AFAP1L2: variants seen among roughly 807,000 people sequenced by gnomAD.
AFAP1L2 encodes actin filament-associated protein 1-like 2.
A neutral mutation model predicts 99.3 loss-of-function variants in AFAP1L2; 46 were observed. The ratio of observed to expected loss-of-function variants is 0.46; its 90% CI spans 0.37 to 0.59. The LOEUF (loss-of-function observed/expected upper bound fraction) is 0.59, where lower values mean the gene tolerates loss of function less well. Ranked by LOEUF, AFAP1L2 falls within the 20% of genes least tolerant of loss-of-function variation. AFAP1L2 has a pLI of 0.00. For missense variants in AFAP1L2, 959 were observed against 1,034.9 expected, an observed-to-expected ratio of 0.93 and a Z score of 1.01; for synonymous variants, 397 against 419.1, an observed-to-expected ratio of 0.95 and a Z score of 0.64.
At chr10:114,331,374 C>G (rs1188990633) in intron 4 of AFAP1L2, among the ~76,000 whole-genome samples, 1 of 152,150 alleles carries the variant, frequency 6.6e-6, no homozygotes, top group Non-Finnish European at 1.5e-5. Context: ...CAGTACACTA[C>G]AGCATCAAAT....
At chr10:114,366,903 G>A (rs1437263653) in intron 1 of AFAP1L2, among the ~76,000 whole-genome samples, 3 of 152,232 alleles carry the variant, frequency 2.0e-5, no homozygotes, top group East Asian at 1.9e-4. Flanking sequence ...AGGAGGTGGC[G>A]GTGCAGTGAG....
chr10:114,391,192 T>C (rs1297983152), intron 1 of AFAP1L2, among the ~76,000 whole-genome samples: 1 of 151,978 alleles, frequency 6.6e-6, no homozygotes, highest in Non-Finnish European at 1.5e-5. Flanking sequence ...CAGCAAACAT[T>C]TCTCATTCAG....
At chr10:114,366,733 C>A (rs2053318822) in intron 1 of AFAP1L2, among the ~76,000 whole-genome samples, 1 of 152,106 alleles carries the variant, frequency 6.6e-6, no homozygotes, top group Non-Finnish European at 1.5e-5. Context: ...TTTGGGAGGC[C>A]AAGGCGGTCA....
At chr10:114,354,720 T>C (rs74157591) in intron 1 of AFAP1L2, among the ~76,000 whole-genome samples, 14,673 of 152,172 alleles carry the variant, frequency 0.096, 1,823 homozygotes, top group African/African-American at 0.29. Context: ...CCCCTCTTTT[T>C]CCAGTCTAAC....
At chr10:114,355,443 C>G (rs1218150583) in intron 1 of AFAP1L2, among the ~76,000 whole-genome samples, 2 of 151,954 alleles carry the variant, frequency 1.3e-5, no homozygotes, top group Non-Finnish European at 2.9e-5. Flanking sequence ...CTGTGCGACT[C>G]TCCATGGTCC....
chr10:114,404,314 C>G, intron 1 of AFAP1L2, 126 bp downstream of exon 1: 1 of 1,138,260 alleles, frequency 8.8e-7, no homozygotes. Context: ...GGCCCAGGTC[C>G]GGGCTGGGTG....
intron 1 of AFAP1L2, chr10:114,363,168 G>A (rs536357890): frequency 1.0e-6 from 1 of 985,418 alleles, no homozygotes; most frequent in South Asian, 4.7e-5. Context: ...TGGGGAAACG[G>A]GTTCCTGGGA....
intron 1 of AFAP1L2, 75 bp from the exon 2 acceptor site, chr10:114,340,806 C>T: frequency 1.3e-6 from 2 of 1,596,996 alleles, no homozygotes; most frequent in Non-Finnish European, 1.7e-6. Flanking sequence ...ACCTCGGGAC[C>T]CTGCAGCCTC....
At position 114,351,363 on chromosome 10, in the gene AFAP1L2, AAAAGACATATT is replaced by A. The variant is rs1285162244; in HGVS notation, c.17-10643_17-10633del. On this transcript the variant is annotated intron_variant, in intron 1 of 18. Transcript: ENST00000304129. ...TTTACTTGATATTTGTATCAGAGAA[AAAAGACATATT>A]AAAGATGGATGGAAGGGGGAAAATC... Among the ~76,000 whole-genome samples, 5 of 152,346 alleles carry A rather than the reference AAAAGACATATT, an allele frequency of 3.3e-5. No individual in the cohort carries two copies. In the East Asian group the frequency reaches 9.6e-4, roughly 29 times the overall value.
At chr10:114,325,217 GA>G (rs927707244) in intron 4 of AFAP1L2, among the ~76,000 whole-genome samples, 2 of 152,190 alleles carry the variant, frequency 1.3e-5, no homozygotes, top group Non-Finnish European at 2.9e-5. Flanking sequence ...AAAATTCAAT[GA>G]GACAAAACGT....
intron 18 of AFAP1L2, chr10:114,296,723 G>A (rs1446612356): frequency 2.1e-6 from 1 of 469,096 alleles, no homozygotes; most frequent in Non-Finnish European, 3.9e-6. Flanking sequence ...CCATAGCTGT[G>A]TGGAGGGCAA....
At chr10:114,391,337 C>T (rs569754625) in intron 1 of AFAP1L2, among the ~76,000 whole-genome samples, 76 of 152,106 alleles carry the variant, frequency 5.0e-4, no homozygotes, top group South Asian at 2.3e-3. Flanking sequence ...CTCCTGCCTC[C>T]GCCTCCCAAG....
At chr10:114,404,640 C>T (rs2058560159), upstream of AFAP1L2, 1 of 794,366 alleles carries the variant, frequency 1.3e-6, no homozygotes, top group Non-Finnish European at 1.7e-6. Context: ...CCCCAGCGCC[C>T]CTGTCCCAGC....
At chr10:114,378,650 CTG>C (rs1289720782) in intron 1 of AFAP1L2, among the ~76,000 whole-genome samples, 1 of 152,168 alleles carries the variant, frequency 6.6e-6, no homozygotes, top group African/African-American at 2.4e-5. Context: ...AAGATAGTGA[CTG>C]AAATTAAATT....
rs115885383 is a variant in AFAP1L2, at chr10:114,319,202, T to C, written c.407-3437A>G. Among the ~76,000 whole-genome samples the C allele has an allele frequency of 2.4e-3, 372 of 152,186 alleles. 1 individual carries two copies. Among genetic ancestry groups the C allele is most frequent in the African/African-American group, 8.6e-3 (359 of 41,532 alleles). ...GTATGATATTCTTAAAACAGATACT[T>C]GGCTTCTAGGAGGGGCAGGGTGAAC... is the stretch of plus-strand genomic sequence containing the variant. On this transcript the variant is annotated intron_variant, in intron 5 of 18. Coordinates refer to ENST00000304129, the MANE Select transcript of AFAP1L2 (RefSeq NM_001001936.3).
At chr10:114,296,279 T>C in intron 18 of AFAP1L2, 1 of 599,630 alleles carries the variant, frequency 1.7e-6, no homozygotes, top group Non-Finnish European at 2.9e-6. Flanking sequence ...TGCCTATAAG[T>C]GATGTCTCTC....
At chr10:114,396,078 G>A (rs913370780) in intron 1 of AFAP1L2, among the ~76,000 whole-genome samples, 1 of 152,292 alleles carries the variant, frequency 6.6e-6, no homozygotes, top group East Asian at 1.9e-4. Flanking sequence ...GGTGACTAGT[G>A]GCTTGGATGT....
At chr10:114,359,073 AC>A (rs1309683220) in intron 1 of AFAP1L2, among the ~76,000 whole-genome samples, 4 of 152,236 alleles carry the variant, frequency 2.6e-5, no homozygotes, top group Non-Finnish European at 5.9e-5. Flanking sequence ...TCCTCTGAGA[AC>A]AAACAGTAAA....
chr10:114,282,661 G>T, the AFAP1L2 span: 1 of 1,200,336 alleles, frequency 8.3e-7, no homozygotes. Flanking sequence ...TGGGACAGAG[G>T]GTGGGGTTGT....
Sources: allele counts gnomAD v4.1 joint callset (sites outside exome capture counted in the v4.1 genomes callset), GRCh38; gene constraint gnomAD v4.1.1; transcripts MANE v1.5; gene names NCBI Gene and HGNC (gene_info 2026-07-23, HGNC 2026-07-21).